Variants in TMEM135 observed in about 807,000 individuals in gnomAD.
TMEM135 encodes the protein transmembrane protein 135.
In TMEM135, 30 loss-of-function variants were observed where a neutral mutation model predicts 60.3. The observed-to-expected ratio is 0.50, with a 90% CI of 0.37 to 0.68. TMEM135 has a LOEUF of 0.68. Ranked by LOEUF, TMEM135 falls within the 30% of genes least tolerant of loss-of-function variation. The probability of loss-of-function intolerance (pLI) is 0.00; values close to 1 mark genes in which losing one functional copy is unlikely to be tolerated. For synonymous variants in TMEM135, 190 were observed against 186.7 expected (o/e 1.02, Z -0.14); for missense variants, 468 against 548.8 (o/e 0.85, Z 1.47).
At chr11:87,134,766 G>C (rs550341602) in intron 4 of TMEM135, among the ~76,000 whole-genome samples, 11 of 152,162 alleles carry the variant, frequency 7.2e-5, no homozygotes, top group Non-Finnish European at 1.2e-4. Context: ...GACTACAGGC[G>C]TGTGCAACTG....
intron 5 of TMEM135, among the ~76,000 whole-genome samples, chr11:87,166,926 C>T (rs1057003907): frequency 1.3e-5 from 2 of 152,136 alleles, no homozygotes; most frequent in Non-Finnish European, 2.9e-5. Context: ...ATTACTTCTT[C>T]CTATCCATGA....
At chr11:87,072,862 A>G (rs1222893977) in intron 3 of TMEM135, among the ~76,000 whole-genome samples, 1 of 152,194 alleles carries the variant, frequency 6.6e-6, no homozygotes, top group African/African-American at 2.4e-5. Flanking sequence ...CTCATGAATA[A>G]TTGTTTTTAT....
chr11:87,284,869 T>C (rs1254636028), intron 6 of TMEM135, among the ~76,000 whole-genome samples: 2 of 152,240 alleles, frequency 1.3e-5, no homozygotes, highest in African/African-American at 4.8e-5. Flanking sequence ...TTTCTCATAC[T>C]AAGTGCCATA....
intron 3 of TMEM135, among the ~76,000 whole-genome samples, chr11:87,076,506 A>G (rs568200382): frequency 6.6e-6 from 1 of 152,356 alleles, no homozygotes; most frequent in East Asian, 1.9e-4. Context: ...TGGGGACTCC[A>G]GGAGCCTGCT....
chr11:87,081,476 T>C (rs574746685), intron 3 of TMEM135, among the ~76,000 whole-genome samples: 1 of 152,280 alleles, frequency 6.6e-6, no homozygotes, highest in African/African-American at 2.4e-5. Context: ...ACTATTGGAT[T>C]TGTTTTTTGT....
In TMEM135 at chr11:87,325,423, CT is replaced by C. The variant is rs567276415; in HGVS notation, c.*4094del. ...TTTACACACAGAAGAAAATGATTGA[CT>C]TTTGGTTGGAGGAAAGAATTTATAT... On this transcript the variant is annotated 3_prime_UTR_variant, in exon 15 of 15. Coordinates refer to ENST00000305494, the MANE Select transcript of TMEM135 (RefSeq NM_022918.4). 2.7e-3 allele frequency: 1,239 copies of C among 453,954 alleles called. 24 individuals are homozygous for C. The highest frequency in any genetic ancestry group is 0.019 in the South Asian group (1,211 of 64,456). 28.1% of individuals were successfully genotyped at this position (453,954 alleles called of 1,614,324 possible).
At chr11:87,068,084 T>A (rs1856702068) in intron 2 of TMEM135, among the ~76,000 whole-genome samples, 1 of 152,222 alleles carries the variant, frequency 6.6e-6, no homozygotes, top group Non-Finnish European at 1.5e-5. Context: ...TGAGGCCTGT[T>A]ATATTTACCA....
chr11:87,064,671 T>A (rs182668905), intron 1 of TMEM135, among the ~76,000 whole-genome samples: 26 of 152,282 alleles, frequency 1.7e-4, no homozygotes, highest in African/African-American at 6.0e-4. Context: ...TCGCCTGAGA[T>A]CAGGAGTTCG....
intron 5 of TMEM135, among the ~76,000 whole-genome samples, chr11:87,228,474 GGAAGCGTATTGCTCTTC>G (rs1339574415): frequency 7.2e-5 from 11 of 152,146 alleles, no homozygotes; most frequent in Admixed American, 5.9e-4. Flanking sequence ...CGGCGCAAGA[GGAAGCGTATTGCTCTTC>G]TTGAGAAGAG....
intron 14 of TMEM135, 82 bp downstream of exon 14, chr11:87,319,459 G>A (rs1942786588): frequency 1.0e-6 from 1 of 990,654 alleles, no homozygotes. Context: ...GGTAAAGTAG[G>A]TATTTATATA....
intron 4 of TMEM135, among the ~76,000 whole-genome samples, chr11:87,132,901 T>A (rs1036396938): frequency 1.3e-5 from 2 of 152,118 alleles, no homozygotes; most frequent in African/African-American, 4.8e-5. Context: ...GTAACAATAA[T>A]AAAACAAAGC....
intron 4 of TMEM135, among the ~76,000 whole-genome samples, chr11:87,150,215 C>CAAAAAAAAAAA (rs200067307): frequency 1.8e-5 from 2 of 109,900 alleles, no homozygotes; most frequent in African/African-American, 3.3e-5. Flanking sequence ...AACTCTGTCT[C>CAAAAAAAAAAA]AAAAAAAAAA....
intron 3 of TMEM135, among the ~76,000 whole-genome samples, chr11:87,073,354 T>C (rs1856808379): frequency 6.6e-6 from 1 of 152,184 alleles, no homozygotes; most frequent in Non-Finnish European, 1.5e-5. Context: ...TCTTAATACA[T>C]TTTTGTAAGT....
At position 87,326,539 on chromosome 11, in the gene TMEM135, A is replaced by G. The variant is rs1175509814; in HGVS notation, c.*5206A>G. 1 of 454,114 alleles carries G rather than the reference A, an allele frequency of 2.2e-6. No individual in the cohort carries two copies. Among genetic ancestry groups the G allele is most frequent in the Non-Finnish European group, 4.4e-6 (1 of 226,776 alleles). 28.1% of individuals were successfully genotyped at this position (454,114 alleles called of 1,614,324 possible). On this transcript the variant is annotated 3_prime_UTR_variant, in exon 15 of 15. Coordinates refer to ENST00000305494, the MANE Select transcript of TMEM135 (RefSeq NM_022918.4). ...GAAGTACATTCTGTGGTTGGTCATT[A>G]TGGGATTGGATGCCAAAAGGAATGG...
chr11:87,051,511 A>T (rs1949841184), intron 1 of TMEM135, among the ~76,000 whole-genome samples: 1 of 69,300 alleles, frequency 1.4e-5, no homozygotes, highest in Non-Finnish European at 2.3e-5. Context: ...AAGCATTCTT[A>T]TACATCAACA....
At chr11:87,266,660 C>T (rs914828990) in intron 6 of TMEM135, among the ~76,000 whole-genome samples, 4 of 152,132 alleles carry the variant, frequency 2.6e-5, no homozygotes, top group Non-Finnish European at 5.9e-5. Context: ...CAAAAGCTAT[C>T]AGACATGAAT....
chr11:87,175,826 G>A (rs189024816), intron 5 of TMEM135, among the ~76,000 whole-genome samples: 6 of 152,192 alleles, frequency 3.9e-5, no homozygotes, highest in East Asian at 3.9e-4. Flanking sequence ...TGTATTAGAA[G>A]ACACAGGCTT....
chr11:87,274,406 A>G (rs913632109), intron 6 of TMEM135, among the ~76,000 whole-genome samples: 1 of 152,118 alleles, frequency 6.6e-6, no homozygotes, highest in Non-Finnish European at 1.5e-5. Context: ...CTCTGTCTAT[A>G]CTTTTCTGCT....
At position 87,243,615 on chromosome 11, in the gene TMEM135, A is replaced by G. The variant is rs1941190614; in HGVS notation, c.509+6931A>G. Among the ~76,000 whole-genome samples the G allele has an allele frequency of 1.5e-4, 12 of 79,874 alleles. 3 individuals carry two copies. In the South Asian group the frequency reaches 4.6e-3, roughly 31 times the overall value. 52.4% of individuals were successfully genotyped at this position (79,874 alleles called of 152,430 possible). A position where few individuals can be genotyped will look rare whatever the true frequency, so the allele number is the denominator to read the frequency against. On this transcript the variant is annotated intron_variant, in intron 6 of 14. Transcript: ENST00000305494. ...TAGGTATTTTATTCTCTTTGAAGCA[A>G]TTGTGAATGGGAGTTCACTCATGAT...
Sources: allele counts gnomAD v4.1 joint callset (sites outside exome capture counted in the v4.1 genomes callset), GRCh38; gene constraint gnomAD v4.1.1; transcripts MANE v1.5; gene names NCBI Gene and HGNC (gene_info 2026-07-23, HGNC 2026-07-21).